The following SLC39A11 variants were observed in gnomAD, a reference collection of about 807,000 sequenced individuals.
SLC39A11 encodes zinc transporter ZIP11.
In SLC39A11, 33 loss-of-function variants were observed where a neutral mutation model predicts 36.1. The observed-to-expected ratio is 0.91, with a 90% confidence interval of 0.69 to 1.22. The LOEUF is 1.22. Among genes scored for constraint, SLC39A11 ranks in the 50% most tolerant of loss-of-function variants. SLC39A11 has a pLI of 0.00. For missense variants in SLC39A11, 432 were observed against 430.3 expected (o/e 1.00, Z -0.03); for synonymous variants, 166 against 170.3 (o/e 0.97, Z 0.20).
intron 7 of SLC39A11, among the ~76,000 whole-genome samples, chr17:72,691,725 C>G (rs1247473727): frequency 6.6e-6 from 1 of 152,208 alleles, no homozygotes; most frequent in Non-Finnish European, 1.5e-5. Context: ...TTGACTCACA[C>G]TGGAGTCATT....
intron 6 of SLC39A11, among the ~76,000 whole-genome samples, chr17:72,778,159 C>G (rs2076198747): frequency 6.6e-6 from 1 of 152,218 alleles, no homozygotes; most frequent in African/African-American, 2.4e-5. Context: ...CCCGCTTCAG[C>G]CTCCCAAAGT....
chr17:72,954,418 C>T (rs544491370), intron 4 of SLC39A11, among the ~76,000 whole-genome samples: 38 of 152,332 alleles, frequency 2.5e-4, no homozygotes, highest in African/African-American at 7.5e-4. Flanking sequence ...AAGTGTTACA[C>T]GCCAGTGGAA....
At chr17:72,931,170 A>G (rs1044461568) in intron 5 of SLC39A11, among the ~76,000 whole-genome samples, 1 of 152,198 alleles carries the variant, frequency 6.6e-6, no homozygotes, top group Non-Finnish European at 1.5e-5. Context: ...GCCCAAAAAG[A>G]GAGGTACAGA....
At chr17:72,801,518 C>T (rs561686699) in intron 6 of SLC39A11, among the ~76,000 whole-genome samples, 32 of 152,296 alleles carry the variant, frequency 2.1e-4, no homozygotes, top group African/African-American at 5.3e-4. Flanking sequence ...TGAGCCACTG[C>T]GCCCAGCCGG....
At chr17:72,712,023 GT>G (rs1348222906) in intron 7 of SLC39A11, among the ~76,000 whole-genome samples, 1 of 152,262 alleles carries the variant, frequency 6.6e-6, no homozygotes, top group East Asian at 1.9e-4. Context: ...ACAGGGCTTA[GT>G]GAGGGATTAG....
chr17:72,784,142 C>T lies in SLC39A11; in HGVS notation c.602-47423G>A, dbSNP rs1431962380. Among the ~76,000 whole-genome samples the T allele has an allele frequency of 5.3e-5, 8 of 152,036 alleles. No homozygotes were observed. In the South Asian group the frequency reaches 8.3e-4, roughly 16 times the overall value. The stretch of plus-strand genomic sequence containing the variant: ...GGAAGATCACTTGAGGTCAGGAGTT[C>T]GAGACCAGCCTGGCCAACACGGTGA... On this transcript the variant is annotated intron_variant, in intron 6 of 9. Coordinates refer to ENST00000255559, the MANE Select transcript of SLC39A11 (RefSeq NM_139177.4).
At chr17:72,766,712 C>T (rs2075772737) in intron 6 of SLC39A11, among the ~76,000 whole-genome samples, 1 of 152,164 alleles carries the variant, frequency 6.6e-6, no homozygotes, top group South Asian at 2.1e-4. Context: ...TTGTTATTTG[C>T]TCTCCCACCC....
chr17:72,855,530 A>G (rs1013904125), intron 5 of SLC39A11, among the ~76,000 whole-genome samples: 1 of 152,010 alleles, frequency 6.6e-6, no homozygotes, highest in African/African-American at 2.4e-5. Flanking sequence ...GTTACAAAAC[A>G]AAATGAAGAG....
intron 3 of SLC39A11, among the ~76,000 whole-genome samples, chr17:73,041,002 CAAAAAACAAAAAA>C (rs1268454609): frequency 9.7e-5 from 13 of 134,366 alleles, no homozygotes; most frequent in African/African-American, 3.9e-4. Context: ...AAACAAAAAA[CAAAAAACAAAAAA>C]AAAAAACAGT....
chr17:73,040,870 A>G (rs2059083961), intron 3 of SLC39A11, among the ~76,000 whole-genome samples: 1 of 151,990 alleles, frequency 6.6e-6, no homozygotes, highest in East Asian at 1.9e-4. Context: ...CTGTAGTCCC[A>G]GCTGCTCGGA....
At chr17:73,031,780 A>C in intron 3 of SLC39A11, 66 bp from the exon 4 acceptor site, 2 of 1,546,172 alleles carry the variant, frequency 1.3e-6, no homozygotes, top group Non-Finnish European at 1.8e-6. Context: ...GCAGGACCTC[A>C]GTTGCTCTCT....
chr17:72,883,636 C>T (rs1290520713), intron 5 of SLC39A11, among the ~76,000 whole-genome samples: 2 of 152,172 alleles, frequency 1.3e-5, no homozygotes, highest in East Asian at 3.9e-4. Context: ...TGAGAAATGA[C>T]CGAGGAATCC....
intron 6 of SLC39A11, among the ~76,000 whole-genome samples, chr17:72,827,393 G>T (rs953308639): frequency 3.3e-4 from 50 of 152,124 alleles, no homozygotes; most frequent in South Asian, 4.1e-4. Flanking sequence ...TTCTTCTGGG[G>T]TAATGAAAAT....
At chr17:72,678,015 C>T (rs910760255) in intron 7 of SLC39A11, among the ~76,000 whole-genome samples, 5 of 152,244 alleles carry the variant, frequency 3.3e-5, no homozygotes, top group African/African-American at 4.8e-5. Flanking sequence ...TTGAGGATCT[C>T]GGAAGACAGT....
intron 4 of SLC39A11, among the ~76,000 whole-genome samples, chr17:72,948,280 C>A (rs2466522): frequency 0.042 from 538 of 12,802 alleles, 4 homozygotes; most frequent in Middle Eastern, 0.23. Context: ...GCACACATAC[C>A]AAACCCCACT....
intron 7 of SLC39A11, among the ~76,000 whole-genome samples, chr17:72,672,198 C>T (rs1180615970): frequency 6.6e-6 from 1 of 152,198 alleles, no homozygotes; most frequent in Admixed American, 6.5e-5. Flanking sequence ...CCTATAATCT[C>T]AGCACTCTGG....
intron 6 of SLC39A11, among the ~76,000 whole-genome samples, chr17:72,789,384 T>C (rs760935455): frequency 3.3e-5 from 5 of 152,300 alleles, no homozygotes; most frequent in Admixed American, 1.3e-4. Flanking sequence ...CGTGCTATCA[T>C]GGAGAAGAAC....
rs139835532 is a variant in SLC39A11, at chr17:73,018,967, T to C, written c.306+12589A>G. ...GCCATAGAAAAAGTCACATTACATATAGGAGAACAATGCTGACTTCTCATC... is the reference window on the plus strand; with the variant it reads ...GCCATAGAAAAAGTCACATTACATACAGGAGAACAATGCTGACTTCTCATC... On this transcript the variant is annotated intron_variant, in intron 4 of 9. Transcript: ENST00000255559. Among the ~76,000 whole-genome samples, 384 of 152,192 alleles carry C rather than the reference T, an allele frequency of 2.5e-3. 2 individuals are homozygous for C. Among genetic ancestry groups the C allele is most frequent in the African/African-American group, 8.6e-3 (357 of 41,514 alleles).
At chr17:72,791,786 C>T (rs193007053) in intron 6 of SLC39A11, among the ~76,000 whole-genome samples, 2 of 152,252 alleles carry the variant, frequency 1.3e-5, no homozygotes, top group East Asian at 3.9e-4. Context: ...TTATAAGGGG[C>T]TTTTCGCCCT....
Sources: allele counts gnomAD v4.1 joint callset (sites outside exome capture counted in the v4.1 genomes callset), GRCh38; gene constraint gnomAD v4.1.1; transcripts MANE v1.5; gene names NCBI Gene and HGNC (gene_info 2026-07-23, HGNC 2026-07-21).